Variants in LRRC40 observed in about 807,000 individuals in gnomAD.
The protein encoded by LRRC40 is leucine rich repeat containing 40, also known as leucine-rich repeat-containing protein 40.
LRRC40 carries 76 observed loss-of-function variants against 72.8 expected under a neutral mutation model. The observed-to-expected ratio is 1.04, with a 90% CI of 0.87 to 1.26. The LOEUF (loss-of-function observed/expected upper bound fraction) is 1.26. Ranked by LOEUF, LRRC40 falls within the 50% of genes most tolerant of loss-of-function variation. The probability of loss-of-function intolerance (pLI) is 0.00; values close to 1 mark genes in which losing one functional copy is unlikely to be tolerated. For synonymous variants in LRRC40, 243 were observed against 254.2 expected (o/e 0.96, Z 0.42); for missense variants, 684 against 698.9 (o/e 0.98, Z 0.24).
rs559631085 is a variant in LRRC40 at position 70,168,730 on chromosome 1, T to C, written c.1111+4735A>G. On this transcript the variant is annotated intron_variant, in intron 9 of 14. Coordinates refer to ENST00000370952, the MANE Select transcript of LRRC40 (RefSeq NM_017768.5). ...CAACTACAGAAAAGCTGAGTGTCTA[T>C]AACAGTATCAGGCAAAACAGACTCA... Among the ~76,000 whole-genome samples, 63 of 152,312 alleles carry C rather than the reference T, an allele frequency of 4.1e-4. No homozygotes were observed. The South Asian group carries it at 0.013, about 31-fold the overall frequency.
intron 1 of LRRC40, among the ~76,000 whole-genome samples, 165 bp downstream of exon 1, chr1:70,205,225 G>A (rs1668905795): frequency 6.6e-6 from 1 of 152,202 alleles, no homozygotes; most frequent in Non-Finnish European, 1.5e-5. Flanking sequence ...ACTGAACTGG[G>A]CTAACCAAAC....
chr1:70,156,903 A>G (rs1667649983), intron 10 of LRRC40, among the ~76,000 whole-genome samples: 1 of 152,226 alleles, frequency 6.6e-6, no homozygotes, highest in Non-Finnish European at 1.5e-5. Context: ...ACCTGATCAC[A>G]AGTAACCCAA....
chr1:70,167,579 A>C (rs898896495), intron 9 of LRRC40, among the ~76,000 whole-genome samples: 1 of 152,090 alleles, frequency 6.6e-6, no homozygotes, highest in African/African-American at 2.4e-5. Flanking sequence ...ACAAAAACAA[A>C]AAATAATAAT....
rs768051355 is a variant in LRRC40 at position 70,178,884 on chromosome 1, A to T, written c.771T>A (p.Phe257Leu). Residue 257 changes from phenylalanine to leucine, a missense_variant, in exon 6 of 15, where the codon TTT becomes TTA. Phe to Leu is a conservative substitution (Grantham distance 22, BLOSUM62 0). Coordinates refer to ENST00000370952, the MANE Select transcript of LRRC40 (RefSeq NM_017768.5). ...GACTACAAGAAGGAAATTCTGGTAG[A>T]AAACGTAATTTATTCCTCCGCAAAT... ...LLYLRRNKLR[F>L]LPEFPSCSLL... is the part of the protein sequence containing the mutation. The T allele has an allele frequency of 6.3e-7, 1 of 1,598,098 alleles. No homozygotes were observed. The highest frequency in any genetic ancestry group is 8.6e-7 in the Non-Finnish European group (1 of 1,168,772).
At chr1:70,198,835 G>A (rs1039880159) in intron 1 of LRRC40, among the ~76,000 whole-genome samples, 1 of 152,058 alleles carries the variant, frequency 6.6e-6, no homozygotes, top group Non-Finnish European at 1.5e-5. Flanking sequence ...ACAGGAGTCA[G>A]TACAATTCTA....
chr1:70,175,744 T>C (rs745624802), intron 7 of LRRC40, 66 bp downstream of exon 7: 2 of 1,187,692 alleles, frequency 1.7e-6, no homozygotes, highest in Non-Finnish European at 2.3e-6. Context: ...TTTTAACAAA[T>C]ATTTCAAATT....
intron 9 of LRRC40, among the ~76,000 whole-genome samples, chr1:70,164,421 C>T (rs915068075): frequency 3.9e-5 from 6 of 151,988 alleles, no homozygotes; most frequent in Non-Finnish European, 8.8e-5. Flanking sequence ...AGTGCCAATC[C>T]TATTCATGAG....
intron 10 of LRRC40, among the ~76,000 whole-genome samples, chr1:70,156,235 T>G (rs1257025634): frequency 6.6e-6 from 1 of 152,092 alleles, no homozygotes; most frequent in Non-Finnish European, 1.5e-5. Context: ...GATAATAACT[T>G]TTTTAAAAAG....
chr1:70,161,644 A>AC (rs1212714466), intron 9 of LRRC40, among the ~76,000 whole-genome samples: 1 of 152,052 alleles, frequency 6.6e-6, no homozygotes, highest in Non-Finnish European at 1.5e-5. Flanking sequence ...AACGAGTGTC[A>AC]CCTAGAACGA....
At chr1:70,188,838 G>A (rs768433649) in intron 2 of LRRC40, among the ~76,000 whole-genome samples, 2 of 152,128 alleles carry the variant, frequency 1.3e-5, no homozygotes, top group Non-Finnish European at 2.9e-5. Flanking sequence ...ATCAGTCTTG[G>A]TTTACAGATG....
chr1:70,157,761 A>G (rs1317311068), intron 10 of LRRC40, among the ~76,000 whole-genome samples: 1 of 152,120 alleles, frequency 6.6e-6, no homozygotes, highest in African/African-American at 2.4e-5. Flanking sequence ...TACTTAGTAG[A>G]CTCCAAAAAT....
intron 3 of LRRC40, among the ~76,000 whole-genome samples, chr1:70,185,577 T>C (rs970142836): frequency 6.6e-6 from 1 of 152,220 alleles, no homozygotes; most frequent in Non-Finnish European, 1.5e-5. Flanking sequence ...GGTATGTCTT[T>C]ATCAGCAGCA....
chr1:70,176,235 TTA>T (rs1668100958), intron 6 of LRRC40, among the ~76,000 whole-genome samples: 1 of 152,100 alleles, frequency 6.6e-6, no homozygotes, highest in South Asian at 2.1e-4. Context: ...AACATCAAGT[TTA>T]TAAAACCAAA....
At chr1:70,149,324 G>T (rs534754251) in intron 13 of LRRC40, among the ~76,000 whole-genome samples, 1 of 152,188 alleles carries the variant, frequency 6.6e-6, no homozygotes, top group Non-Finnish European at 1.5e-5. Context: ...GGGCAGGAAC[G>T]AGAGCTTTGG....
At position 70,159,442 on chromosome 1, in the gene LRRC40, G is replaced by A; in HGVS notation, c.1112-4C>T. On this transcript the variant is annotated splice_region_variant and splice_polypyrimidine_tract_variant and intron_variant, in intron 9 of 14. Transcript: ENST00000370952. ...TCACTTTGGCTAGGTCCATCATCTG[G>A]CAAAAGAAAACTTATATGAAGCCAA... 2 of 1,452,284 alleles carry A rather than the reference G, an allele frequency of 1.4e-6. No individual in the cohort carries two copies. The highest frequency in any genetic ancestry group is 1.9e-6 in the Non-Finnish European group (2 of 1,045,866). The allele number at this position is 1,452,284 out of a possible 1,614,324, so 90.0% of individuals were successfully genotyped here.
At chr1:70,151,258 T>C in intron 12 of LRRC40, 53 bp from the exon 13 acceptor site, 1 of 828,982 alleles carries the variant, frequency 1.2e-6, no homozygotes, top group Non-Finnish European at 2.0e-6. Flanking sequence ...ATTTTACAAG[T>C]TTAATTTATA....
At chr1:70,159,223 G>T in intron 10 of LRRC40, 107 bp downstream of exon 10, 1 of 438,582 alleles carries the variant, frequency 2.3e-6, no homozygotes, top group Non-Finnish European at 4.0e-6. Flanking sequence ...AGCACTTTGA[G>T]AGGCCAAAGC....
chr1:70,199,028 G>T (rs949989476), intron 1 of LRRC40, among the ~76,000 whole-genome samples: 4 of 152,064 alleles, frequency 2.6e-5, no homozygotes, highest in Non-Finnish European at 4.4e-5. Flanking sequence ...GCACATCCCT[G>T]TAGTCTCAGA....
At chr1:70,193,411 A>T (rs1668544139) in intron 1 of LRRC40, among the ~76,000 whole-genome samples, 1 of 152,036 alleles carries the variant, frequency 6.6e-6, no homozygotes, top group Non-Finnish European at 1.5e-5. Flanking sequence ...TAGAAAAAAA[A>T]AAAGTACAAC....
Sources: allele counts gnomAD v4.1 joint callset (sites outside exome capture counted in the v4.1 genomes callset), GRCh38; gene constraint gnomAD v4.1.1; transcripts MANE v1.5; gene names NCBI Gene and HGNC (gene_info 2026-07-23, HGNC 2026-07-21).